MYO1B: variants seen among roughly 807,000 people sequenced by gnomAD.
The protein encoded by MYO1B is myosin IB.
A neutral mutation model predicts 159.7 loss-of-function variants in MYO1B; 72 were observed. That is an observed-to-expected ratio of 0.45 (90% CI 0.37 to 0.55). The LOEUF is 0.55. Among genes scored for constraint, MYO1B ranks in the 20% least tolerant of loss-of-function variants. The probability of loss-of-function intolerance (pLI) is 0.00; values close to 1 mark genes in which losing one functional copy is unlikely to be tolerated. For synonymous variants in MYO1B, 468 were observed against 473.8 expected, an observed-to-expected ratio of 0.99 and a Z score of 0.16; for missense variants, 1,062 against 1,364.8, an observed-to-expected ratio of 0.78 and a Z score of 3.50.
chr2:191,280,214 G>C (rs1237993467), intron 2 of MYO1B, among the ~76,000 whole-genome samples: 1 of 152,168 alleles, frequency 6.6e-6, no homozygotes, highest in South Asian at 2.1e-4. Flanking sequence ...TCATCCTGTC[G>C]TACTAAACCT....
intron 1 of MYO1B, among the ~76,000 whole-genome samples, chr2:191,254,226 T>C (rs992978517): frequency 2.0e-5 from 3 of 152,168 alleles, no homozygotes; most frequent in Admixed American, 6.5e-5. Flanking sequence ...TTTATTTATT[T>C]TTTGAGACAG....
At chr2:191,358,119 G>C (rs1461042451) in intron 7 of MYO1B, among the ~76,000 whole-genome samples, 1 of 151,794 alleles carries the variant, frequency 6.6e-6, no homozygotes, top group African/African-American at 2.4e-5. Flanking sequence ...TTTTTGGCTG[G>C]AAAATTATAA....
intron 2 of MYO1B, among the ~76,000 whole-genome samples, chr2:191,294,547 T>G (rs1028177188): frequency 2.6e-5 from 4 of 152,336 alleles, no homozygotes; most frequent in African/African-American, 7.2e-5. Context: ...TGTGACATTG[T>G]CCTTGGGAGA....
intron 7 of MYO1B, among the ~76,000 whole-genome samples, chr2:191,359,830 T>C (rs1047909880): frequency 3.9e-5 from 6 of 152,246 alleles, no homozygotes; most frequent in Non-Finnish European, 8.8e-5. Flanking sequence ...CAGCCTTTTG[T>C]ATCACTATTG....
rs10931492 is a variant in MYO1B, at chr2:191,280,582, G to A, written c.135+3552G>A. ...TGAGATTTACCTTGGTTAGGCTGCC[G>A]GAGTCACACTCCCTTCTCAAACCAT... is the stretch of plus-strand genomic sequence containing the variant. On this transcript the variant is annotated intron_variant, in intron 2 of 30. Transcript: ENST00000392318. 1.3e-3 allele frequency among the ~76,000 whole-genome samples: 196 copies of A among 152,244 alleles called. 5 individuals are homozygous for A. The East Asian group carries it at 0.03, about 23-fold the overall frequency.
intron 23 of MYO1B, chr2:191,401,808 C>T (rs1307398081): frequency 6.6e-6 from 1 of 152,204 alleles, no homozygotes; most frequent in African/African-American, 2.4e-5. Context: ...AGGGAAATGT[C>T]ATAGCAGAAG....
Position 191,402,532 on chromosome 2 carries a change from T to C in MYO1B, c.2470-100T>C, listed in dbSNP as rs115398033. The C allele has an allele frequency of 2.4e-3, 2,315 of 955,498 alleles. 28 individuals carry two copies. The African/African-American group carries it at 0.034, about 14-fold the overall frequency. The allele number at this position is 955,498 out of a possible 1,614,324, so 59.2% of individuals were successfully genotyped here. A position where few individuals can be genotyped will look rare whatever the true frequency, so the allele number is the denominator to read the frequency against. Reference sequence around the variant, plus strand: ...TTCCTCTGTCATTCTGAAATCCTTATTCATAAATTGGCTCTTCTGTTTGGT... The same window carrying C: ...TTCCTCTGTCATTCTGAAATCCTTACTCATAAATTGGCTCTTCTGTTTGGT... On this transcript the variant is annotated intron_variant, in intron 23 of 30. Transcript: ENST00000392318.
chr2:191,301,845 C>G (rs2125831683), intron 3 of MYO1B, among the ~76,000 whole-genome samples: 1 of 152,332 alleles, frequency 6.6e-6, no homozygotes, highest in South Asian at 2.1e-4. Context: ...AACCTTGCAG[C>G]AGTTGATGCA....
intron 4 of MYO1B, among the ~76,000 whole-genome samples, chr2:191,332,614 A>C (rs1051357291): frequency 1.3e-5 from 2 of 152,172 alleles, no homozygotes; most frequent in Non-Finnish European, 1.5e-5. Flanking sequence ...GCTTATTTAC[A>C]TGTATGAGAT....
chr2:191,297,704 A>C (rs1689070163), intron 3 of MYO1B, among the ~76,000 whole-genome samples: 1 of 152,170 alleles, frequency 6.6e-6, no homozygotes, highest in African/African-American at 2.4e-5. Flanking sequence ...AAAATGGTTA[A>C]GCTGGCAATT....
rs370657446 is a variant in MYO1B, at chr2:191,350,185, T to C, written c.522T>C (p.Phe174=). Residue 174 remains phenylalanine, a synonymous_variant, in exon 7 of 31, where the codon TTT becomes TTC. Transcript: ENST00000392318. ...SRFGKYMDIE[F]DFKGDPLGGV... ...AGGGCAAATATATGGATATTGAATT[T>C]GACTTTAAAGGCGATCCACTAGGAG... 6.2e-7 allele frequency: 1 copy of C among 1,612,788 alleles called. No individual in the cohort carries two copies. Among genetic ancestry groups the C allele is most frequent in the African/African-American group, 1.3e-5 (1 of 74,920 alleles).
At chr2:191,344,829 CAAAAAAAA>C (rs10646926) in intron 5 of MYO1B, among the ~76,000 whole-genome samples, 22 of 56,158 alleles carry the variant, frequency 3.9e-4, no homozygotes, top group African/African-American at 1.4e-3. Flanking sequence ...GACTCCGTCT[CAAAAAAAA>C]AAAAAAAAAA....
At chr2:191,294,895 A>C (rs1049557944) in intron 2 of MYO1B, among the ~76,000 whole-genome samples, 3 of 152,104 alleles carry the variant, frequency 2.0e-5, no homozygotes, top group Admixed American at 6.6e-5. Context: ...AAAAGTCAGC[A>C]GAACATTTCT....
intron 5 of MYO1B, among the ~76,000 whole-genome samples, chr2:191,343,646 G>A (rs1301962482): frequency 6.6e-6 from 1 of 152,122 alleles, no homozygotes; most frequent in African/African-American, 2.4e-5. Flanking sequence ...TACATTTGCT[G>A]TATTTCTGCA....
At chr2:191,251,328 G>A (rs978333449) in intron 1 of MYO1B, among the ~76,000 whole-genome samples, 1 of 152,240 alleles carries the variant, frequency 6.6e-6, no homozygotes, top group African/African-American at 2.4e-5. Context: ...GAGAATAAGC[G>A]GTGTGGATGC....
Position 191,417,720 on chromosome 2 carries a change from G to A in MYO1B, c.3287+1478G>A, listed in dbSNP as rs73980709. Among the ~76,000 whole-genome samples the A allele has an allele frequency of 8.4e-3, 1,287 of 152,314 alleles. 22 individuals carry two copies. The highest frequency in any genetic ancestry group is 0.03 in the African/African-American group (1,230 of 41,562). The stretch of plus-strand genomic sequence containing the variant: ...TACAGGATGCTAATAACGATGTACT[G>A]TGAAAAAATTGTTCTCTGATGGAAA... On this transcript the variant is annotated intron_variant, in intron 30 of 30. Coordinates refer to ENST00000392318, the MANE Select transcript of MYO1B (RefSeq NM_001130158.3).
At chr2:191,297,399 A>G (rs1199631527) in intron 3 of MYO1B, among the ~76,000 whole-genome samples, 2 of 152,220 alleles carry the variant, frequency 1.3e-5, no homozygotes, top group African/African-American at 4.8e-5. Context: ...GATTTAGAAT[A>G]TTTGTGAACT....
Position 191,416,112 on chromosome 2 carries a change from C to T in MYO1B, c.3160-3C>T. 6.2e-7 allele frequency: 1 copy of T among 1,613,234 alleles called. No individual in the cohort carries two copies. The highest frequency in any genetic ancestry group is 8.5e-7 in the Non-Finnish European group (1 of 1,179,762). ...ATGACCGACTCTTGGTTTGTCCTTG[C>T]AGGGCTCAGAAGCAGCTAGTAAAGG... On this transcript the variant is annotated splice_region_variant and splice_polypyrimidine_tract_variant and intron_variant, in intron 29 of 30. Transcript: ENST00000392318.
chr2:191,345,712 T>C (rs1371078123), intron 5 of MYO1B, among the ~76,000 whole-genome samples: 1 of 152,240 alleles, frequency 6.6e-6, no homozygotes, highest in Non-Finnish European at 1.5e-5. Flanking sequence ...TGTTTCCAAA[T>C]CTCTTATTCT....
Sources: gnomAD v4.1 joint callset for allele counts (sites outside exome capture counted in the v4.1 genomes callset) on GRCh38, gnomAD v4.1.1 for gene constraint, MANE v1.5 for transcripts, NCBI Gene and HGNC (gene_info 2026-07-23, HGNC 2026-07-21) for gene names.